The following RPGR variants were observed in gnomAD, a reference collection of about 807,000 sequenced individuals.
RPGR encodes the protein X-linked retinitis pigmentosa GTPase regulator.
A neutral mutation model predicts 56.3 loss-of-function variants in RPGR; 10 were observed. The ratio of observed to expected loss-of-function variants is 0.18; its 90% confidence interval spans 0.11 to 0.30. RPGR has a LOEUF of 0.30. RPGR is among the 10% of genes least tolerant of loss of function. The pLI, the probability that RPGR is intolerant of heterozygous loss-of-function variation, is 1.00. For missense variants in RPGR, 538 were observed against 590.9 expected (o/e 0.91, Z 0.93); for synonymous variants, 197 against 212.9 (o/e 0.93, Z 0.65).
chrX:38,287,947 C>T lies in RPGR; in HGVS notation c.1667G>A (p.Gly556Glu). 8.3e-7 allele frequency: 1 copy of T among 1,210,477 alleles called. No individual in the cohort carries two copies. The highest frequency in any genetic ancestry group is 1.1e-6 in the Non-Finnish European group (1 of 894,561). ...TGACACATGTTGTTTACATGCTTTC[C>T]CTTCTTTCATTTCTGACATTTCTTC... Residue 556 changes from glycine to glutamate, a missense_variant, in exon 14 of 19, where the codon GGG (glycine) becomes GAG (glutamate). Physicochemically the swap from Gly to Glu is moderately conservative, Grantham distance 98. This residue lies in a region of RPGR where 357 missense variants were observed against 325.8 expected (regional missense o/e 1.10). Coordinates refer to ENST00000642395, the MANE Select transcript of RPGR (RefSeq NM_000328.3).
Position 38,304,750 on chromosome X carries a change from C to A in RPGR, c.819G>T (p.Gln273His), listed in dbSNP as rs1390141758. 1 of 1,208,433 alleles carries A rather than the reference C, an allele frequency of 8.3e-7. No individual in the cohort carries two copies. The highest frequency in any genetic ancestry group is 1.8e-5 in the African/African-American group (1 of 56,942). ...CAAAAAGAAAAGTGCCAAGACCCAG[C>A]TGACCAAATTGTCCCAGCCCAAAGG... Residue 273 changes from glutamine to histidine, a missense_variant, in exon 8 of 19, where the codon CAG becomes CAT. Gln to His is a conservative substitution (Grantham distance 24). This residue lies in a region of RPGR where 181 missense variants were observed against 265.1 expected (regional missense o/e 0.68). Coordinates refer to ENST00000642395, the MANE Select transcript of RPGR (RefSeq NM_000328.3).
intron 1 of RPGR, among the ~76,000 whole-genome samples, chrX:38,326,299 C>T (rs2068045287): frequency 9.0e-6 from 1 of 111,623 alleles, no homozygotes; most frequent in South Asian, 3.7e-4. Flanking sequence ...ATGTCAGTTC[C>T]GGCCAGGAGC....
chrX:38,282,495 T>C (rs1301440570), intron 15 of RPGR, among the ~76,000 whole-genome samples: 1 of 111,653 alleles, frequency 9.0e-6, no homozygotes, highest in Non-Finnish European at 1.9e-5. Flanking sequence ...CTCAGCAGTC[T>C]CCGTGAGCTC....
chrX:38,302,895 C>T (rs2067529143), intron 8 of RPGR, among the ~76,000 whole-genome samples: 1 of 104,354 alleles, frequency 9.6e-6, no homozygotes, highest in African/African-American at 3.5e-5. Context: ...ACTGCAACCT[C>T]TGCCTCCCGG....
In RPGR at chrX:38,273,375, A is replaced by G. The variant is rs4084271; in HGVS notation, c.2241+11T>C. The G allele has an allele frequency of 0.24, 282,751 of 1,169,750 alleles. 25,733 individuals carry two copies. The highest frequency in any genetic ancestry group is 0.39 in the Middle Eastern group (1,411 of 3,651). ...TCAAAAGGATCAAAAAAGACAATTCATTTCACTTACCTTCTTTGTTTTTTT... is the reference window on the plus strand; with the variant it reads ...TCAAAAGGATCAAAAAAGACAATTCGTTTCACTTACCTTCTTTGTTTTTTT... On this transcript the variant is annotated intron_variant, in intron 18 of 18. Transcript: ENST00000642395.
At chrX:38,286,006 T>C (rs1601918674) in intron 15 of RPGR, 1 of 847,819 alleles carries the variant, frequency 1.2e-6, no homozygotes, top group Non-Finnish European at 1.5e-6. Context: ...TTCCTCCCCT[T>C]CTTCTTCCCC....
chrX:38,313,909 T>C (rs1053856865), intron 6 of RPGR, among the ~76,000 whole-genome samples: 2 of 112,301 alleles, frequency 1.8e-5, no homozygotes, highest in African/African-American at 6.5e-5. Flanking sequence ...AGTAAGTTGA[T>C]GAAGTTTCTC....
At chrX:38,320,963 G>T in intron 4 of RPGR, 64 bp downstream of exon 4, 1 of 863,583 alleles carries the variant, frequency 1.2e-6, no homozygotes, top group Non-Finnish European at 1.7e-6. Flanking sequence ...ACAAAGCCAC[G>T]TTACTGGAAT....
intron 15 of RPGR, chrX:38,284,484 T>C (rs1018017713): frequency 5.3e-6 from 4 of 748,133 alleles, no homozygotes; most frequent in Non-Finnish European, 4.7e-6. Flanking sequence ...AGTCAGTGAA[T>C]ACATTGAGGG....
intron 8 of RPGR, among the ~76,000 whole-genome samples, chrX:38,304,365 T>G (rs2067556903): frequency 8.9e-6 from 1 of 112,333 alleles, no homozygotes; most frequent in Admixed American, 9.5e-5. Context: ...ATTCCTGTTT[T>G]CTGACAAAGA....
At chrX:38,286,069 C>T (rs1234506102) in intron 15 of RPGR, 1 of 380,938 alleles carries the variant, frequency 2.6e-6, no homozygotes, top group Non-Finnish European at 3.7e-6. Flanking sequence ...CTCCCCTTCT[C>T]CTTCCTCCCC....
At chrX:38,294,874 T>G (rs1391952205) in intron 11 of RPGR, among the ~76,000 whole-genome samples, 3 of 111,970 alleles carry the variant, frequency 2.7e-5, no homozygotes, top group Non-Finnish European at 3.8e-5. Flanking sequence ...TGCAAACACC[T>G]TGGTCCATAC....
At chrX:38,280,921 A>C (rs370525555) in intron 15 of RPGR, among the ~76,000 whole-genome samples, 1 of 112,034 alleles carries the variant, frequency 8.9e-6, no homozygotes, top group East Asian at 2.8e-4. Flanking sequence ...ACCAAACAAA[A>C]TAAGTCTGCA....
intron 8 of RPGR, 151 bp downstream of exon 8, chrX:38,304,483 AC>A: frequency 2.1e-6 from 1 of 469,024 alleles, no homozygotes; most frequent in Non-Finnish European, 3.6e-6. Flanking sequence ...AAAGTTCACA[AC>A]TTTATACTTT....
At chrX:38,299,888 G>A (rs1021546339) in intron 9 of RPGR, among the ~76,000 whole-genome samples, 11 of 110,865 alleles carry the variant, frequency 9.9e-5, no homozygotes, top group Non-Finnish European at 2.1e-4. Flanking sequence ...TAATGAATAA[G>A]TCCTCAATGA....
Position 38,273,420 on chromosome X carries a change from G to A in RPGR, c.2207C>T (p.Thr736Ile), listed in dbSNP as rs2066877376. ...TTTTTTCATGTCTTTGCTTGGTGTT[G>A]TTTCACTGTTTTCTAGGATTTCTAA... Residue 736 changes from threonine (T) to isoleucine (I), a missense_variant, in exon 18 of 19, where the codon ACA becomes ATA. Thr to Ile is a moderately conservative substitution (Grantham distance 89). Transcript: ENST00000642395. 1 of 1,205,445 alleles carries A rather than the reference G, an allele frequency of 8.3e-7. No homozygotes were observed. The highest frequency in any genetic ancestry group is 2.2e-5 in the Admixed American group (1 of 45,769).
rs2067214939 is a variant in RPGR, at chrX:38,287,852, T to C, written c.1753+9A>G. 1.7e-6 allele frequency: 2 copies of C among 1,206,492 alleles called. No homozygotes were observed. The highest frequency in any genetic ancestry group is 1.8e-5 in the African/African-American group (1 of 57,053). ...TCAGCCTGAGGTCCCACCTGGCCTG[T>C]GTCATTACCTACTTCCTCATCTGAA... On this transcript the variant is annotated intron_variant, in intron 14 of 18. Transcript: ENST00000642395.
intron 4 of RPGR, among the ~76,000 whole-genome samples, chrX:38,319,962 G>A (rs184673928): frequency 0.012 from 1,363 of 111,438 alleles, 16 homozygotes; most frequent in African/African-American, 0.037. Context: ...AGGAAAAGAC[G>A]AAACCTAATT....
At chrX:38,270,444 C>T (rs1206362086) in intron 18 of RPGR, among the ~76,000 whole-genome samples, 1 of 71,048 alleles carries the variant, frequency 1.4e-5, no homozygotes, top group East Asian at 3.9e-4. Context: ...GAAACCCTGT[C>T]TCTACTACAA....
Sources: allele counts gnomAD v4.1 joint callset (sites outside exome capture counted in the v4.1 genomes callset), GRCh38; gene constraint gnomAD v4.1.1; regional missense constraint gnomAD v4.1.1; transcripts MANE v1.5; gene names NCBI Gene and HGNC (gene_info 2026-07-23, HGNC 2026-07-21).